SFI1: variants seen among roughly 807,000 people sequenced by gnomAD.
SFI1 encodes SFI1 centrin binding protein.
Under a neutral mutation model 207.5 loss-of-function variants are expected in SFI1, and 195 were observed. The ratio of observed to expected loss-of-function variants is 0.94; its 90% CI spans 0.84 to 1.06. The LOEUF is 1.06. SFI1 is among the 50% of genes least tolerant of loss of function. The pLI, the probability that SFI1 is intolerant of heterozygous loss-of-function variation, is 0.00. For synonymous variants in SFI1, 630 were observed against 598.9 expected (o/e 1.05, Z -0.76); for missense variants, 1,634 against 1,588.0 (o/e 1.03, Z -0.49).
intron 8 of SFI1, among the ~76,000 whole-genome samples, chr22:31,570,965 T>C (rs1043413065): frequency 6.6e-6 from 1 of 152,184 alleles, no homozygotes; most frequent in South Asian, 2.1e-4. Flanking sequence ...GATTGAGCGA[T>C]GTGGAGATTG....
intron 6 of SFI1, 86 bp downstream of exon 6, chr22:31,550,434 G>C: frequency 9.6e-7 from 1 of 1,044,104 alleles, no homozygotes; most frequent in Non-Finnish European, 1.4e-6. Context: ...TTGTCTCAGA[G>C]AGAGAGGAAC....
chr22:31,582,547 C>T (rs894005330), intron 12 of SFI1, among the ~76,000 whole-genome samples: 4 of 151,842 alleles, frequency 2.6e-5, no homozygotes, highest in Non-Finnish European at 5.9e-5. Context: ...CCACGACACC[C>T]GGCCTATTAT....
chr22:31,530,028 G>T (rs2058319452), intron 3 of SFI1, among the ~76,000 whole-genome samples: 1 of 150,424 alleles, frequency 6.6e-6, no homozygotes, highest in Admixed American at 6.7e-5. Context: ...AAATTAACTG[G>T]GCGTGGTGGC....
chr22:31,501,316 C>T (rs534658330), intron 1 of SFI1, among the ~76,000 whole-genome samples: 3 of 151,628 alleles, frequency 2.0e-5, no homozygotes, highest in African/African-American at 2.4e-5. Context: ...GGACTACAGG[C>T]GCCCGCCACC....
chr22:31,564,505 T>G (rs991227653), intron 8 of SFI1, among the ~76,000 whole-genome samples: 2 of 152,006 alleles, frequency 1.3e-5, no homozygotes, highest in Non-Finnish European at 2.9e-5. Context: ...CCAGAATTTT[T>G]TTTAAGTTAT....
chr22:31,572,357 A>G (rs2063040047), intron 8 of SFI1, among the ~76,000 whole-genome samples: 1 of 152,138 alleles, frequency 6.6e-6, no homozygotes, highest in Non-Finnish European at 1.5e-5. Flanking sequence ...TAGCTTCTAT[A>G]TATAGGCATC....
In SFI1 at chr22:31,608,033, G is replaced by A. The variant is rs758127985; in HGVS notation, c.2254G>A (p.Gly752Ser). Residue 752 changes from glycine (G) to serine (S), a missense_variant and splice_region_variant, in exon 22 of 33, where the codon GGC (glycine) becomes AGC (serine). Coordinates refer to ENST00000400288, the MANE Select transcript of SFI1 (RefSeq NM_001007467.3). ...IWEAQKVLDRGCLRTWFQRWW... is the reference protein window; with the variant it reads ...IWEAQKVLDRSCLRTWFQRWW... ...GGAGGCCCAGAAGGTGCTGGACAGG[G>A]GTAAGTGGGGCCCCAGAAGCAAGTC... 2 of 1,613,598 alleles carry A rather than the reference G, an allele frequency of 1.2e-6. No homozygotes were observed. The highest frequency in any genetic ancestry group is 3.3e-5 in the Admixed American group (2 of 60,016).
chr22:31,577,460 T>C (rs1031075515), intron 10 of SFI1, among the ~76,000 whole-genome samples: 1 of 152,128 alleles, frequency 6.6e-6, no homozygotes, highest in African/African-American at 2.4e-5. Flanking sequence ...TGCAGTGGCT[T>C]TCACAGGCGC....
At chr22:31,612,606 C>T (rs1224043132) in intron 24 of SFI1, among the ~76,000 whole-genome samples, 1 of 151,488 alleles carries the variant, frequency 6.6e-6, no homozygotes, top group African/African-American at 2.4e-5. Flanking sequence ...CCTGTGGTCC[C>T]AACTACTCGG....
chr22:31,506,260 C>G (rs550791330), intron 1 of SFI1, among the ~76,000 whole-genome samples: 30 of 152,058 alleles, frequency 2.0e-4, no homozygotes, highest in Admixed American at 3.9e-4. Flanking sequence ...GTTGGGCAGG[C>G]TGGTCTTGAA....
rs773784949 is a variant in SFI1, at chr22:31,585,124, G to A, written c.1403G>A (p.Arg468Gln). Residue 468 changes from arginine to glutamine, a missense_variant, in exon 14 of 33, where the codon CGG becomes CAG. Coordinates refer to ENST00000400288, the MANE Select transcript of SFI1 (RefSeq NM_001007467.3). The part of the protein sequence containing the change: ...ELWLQYTQKR[R>Q]YKQLLQARAD... ...TGGCTACAGTATACTCAGAAGAGGCGGTACAAGCAGGTATGGAGTACTTTT... is the reference window on the plus strand; with the variant it reads ...TGGCTACAGTATACTCAGAAGAGGCAGTACAAGCAGGTATGGAGTACTTTT... 6 of 1,613,508 alleles carry A rather than the reference G, an allele frequency of 3.7e-6. No individual in the cohort carries two copies. The highest frequency in any genetic ancestry group is 4.5e-5 in the East Asian group (2 of 44,866).
intron 4 of SFI1, among the ~76,000 whole-genome samples, chr22:31,537,658 G>C (rs2059120080): frequency 6.6e-6 from 1 of 152,164 alleles, no homozygotes; most frequent in Admixed American, 6.5e-5. Context: ...AAATGATAGA[G>C]TGAGAATATT....
intron 12 of SFI1, 118 bp from the exon 13 acceptor site, chr22:31,583,757 G>A: frequency 1.2e-6 from 1 of 827,508 alleles, no homozygotes; most frequent in Non-Finnish European, 2.1e-6. Context: ...ACTGTATGTT[G>A]GCTGCTCCTA....
chr22:31,618,350 C>T lies in SFI1; in HGVS notation c.3661C>T (p.Gln1221Ter), dbSNP rs1318490025. Residue 1221 changes from glutamine to a stop codon, truncating the protein, a stop_gained, in exon 33 of 33, where the codon CAG becomes TAG. Coordinates refer to ENST00000400288, the MANE Select transcript of SFI1 (RefSeq NM_001007467.3). LOFTEE classifies it high-confidence loss of function. ...GATCCAGCTGCTGGCAGAGGAGCTC[C>T]AGGCTCAGCGCCAGCCCATTGGCGC... is the stretch of plus-strand genomic sequence containing the variant. ...MQIQLLAEEL[Q>*]AQRQPIGACV... The T allele has an allele frequency of 1.2e-6, 2 of 1,609,632 alleles. No homozygotes were observed. Among genetic ancestry groups the T allele is most frequent in the Non-Finnish European group, 1.7e-6 (2 of 1,177,440 alleles).
At chr22:31,502,262 G>A (rs1449796842) in intron 1 of SFI1, among the ~76,000 whole-genome samples, 1 of 152,062 alleles carries the variant, frequency 6.6e-6, no homozygotes, top group Non-Finnish European at 1.5e-5. Flanking sequence ...GGTAAAATTG[G>A]TCTCCTTATA....
intron 12 of SFI1, among the ~76,000 whole-genome samples, chr22:31,582,178 T>A (rs2064267130): frequency 8.9e-6 from 1 of 112,690 alleles, no homozygotes; most frequent in Non-Finnish European, 1.7e-5. Context: ...GAACTTTCCT[T>A]CCCCCAACAA....
Position 31,579,216 on chromosome 22 carries a change from T to A in SFI1, c.1155+764T>A, listed in dbSNP as rs141570646. Among the ~76,000 whole-genome samples the A allele has an allele frequency of 1.7e-3, 261 of 152,164 alleles. 1 individual carries two copies. Among genetic ancestry groups the A allele is most frequent in the Middle Eastern group, 6.8e-3 (2 of 294 alleles). Reference sequence around the variant, plus strand: ...TGGAGTGCAGTGTTAAAATCATAGCTTGCTGCAGCCTTGAACTCCTGGACT... The same window carrying A: ...TGGAGTGCAGTGTTAAAATCATAGCATGCTGCAGCCTTGAACTCCTGGACT... On this transcript the variant is annotated intron_variant, in intron 11 of 32. Coordinates refer to ENST00000400288, the MANE Select transcript of SFI1 (RefSeq NM_001007467.3).
chr22:31,499,221 A>G (rs946759079), intron 1 of SFI1, among the ~76,000 whole-genome samples: 92 of 151,572 alleles, frequency 6.1e-4, no homozygotes, highest in African/African-American at 2.1e-3. Context: ...GCTGGTCTTG[A>G]ACTCCTGGTC....
At chr22:31,536,088 CCTG>C (rs2058969855) in intron 4 of SFI1, among the ~76,000 whole-genome samples, 1 of 152,042 alleles carries the variant, frequency 6.6e-6, no homozygotes, top group Non-Finnish European at 1.5e-5. Flanking sequence ...TTGACCCTCT[CCTG>C]CTCAAATTTT....
Sources: gnomAD v4.1 joint callset for allele counts (sites outside exome capture counted in the v4.1 genomes callset) on GRCh38, gnomAD v4.1.1 for gene constraint, MANE v1.5 for transcripts, NCBI Gene and HGNC (gene_info 2026-07-23, HGNC 2026-07-21) for gene names.